Variants in NELFA observed in about 807,000 individuals in gnomAD.
NELFA encodes negative elongation factor A.
NELFA carries 35 observed loss-of-function variants against 51.8 expected under a neutral mutation model. The ratio of observed to expected loss-of-function variants is 0.68; its 90% CI spans 0.52 to 0.90. The LOEUF (loss-of-function observed/expected upper bound fraction) is 0.90. NELFA is among the 40% of genes least tolerant of loss of function. NELFA has a pLI of 0.00. For synonymous variants in NELFA, 417 were observed against 338.4 expected (o/e 1.23, Z -2.55); for missense variants, 658 against 746.4 (o/e 0.88, Z 1.38).
rs913087615 is a variant in NELFA, at chr4:1,987,848, C to T, written c.634+70G>A. On this transcript the variant is annotated intron_variant, in intron 4 of 10. Coordinates refer to ENST00000382882, the MANE Select transcript of NELFA (RefSeq NM_005663.5). ...CAGGCACCACCTCCCCAACAGGGAG[C>T]GGGTCTCCAGGTGAAGCCCTTAGCT... is the stretch of plus-strand genomic sequence containing the variant. The T allele has an allele frequency of 2.5e-5, 32 of 1,286,864 alleles. No individual in the cohort carries two copies. In the East Asian group the frequency reaches 5.4e-4, roughly 22 times the overall value. The allele number at this position is 1,286,864 out of a possible 1,614,324, so 79.7% of individuals were successfully genotyped here.
Position 1,986,436 on chromosome 4 carries a change from A to T in NELFA, c.635-34T>A, listed in dbSNP as rs376625058. 15 of 1,609,446 alleles carry T rather than the reference A, an allele frequency of 9.3e-6. No individual in the cohort carries two copies. In the African/African-American group the frequency reaches 1.8e-4, roughly 19 times the overall value. ...CGGCAACAGTCAGGGCGCCAGCAGC[A>T]GTGACCGGCAAACGTCCCCCACCCC... On this transcript the variant is annotated intron_variant, in intron 4 of 10. Transcript: ENST00000382882.
At chr4:2,008,620 G>C (rs1165476280) in intron 1 of NELFA, 130 bp downstream of exon 1, 4 of 1,097,044 alleles carry the variant, frequency 3.6e-6, no homozygotes, top group East Asian at 2.7e-5. Context: ...GGGCGGGCCG[G>C]GGGGGTTAAC....
rs779907766 is a variant in NELFA, at chr4:1,983,994, G to C, written c.1156C>G (p.Pro386Ala). Reference protein sequence around the residue: ...MYNSGLSPATPTPAAPTSPLT... With the variant: ...MYNSGLSPATATPAAPTSPLT... ...GGCGAGGTGGGCGCCGCAGGCGTGG[G>C]TGTGGCAGGGCTCAGGCCGCTGTTG... Residue 386 changes from proline (P) to alanine (A), a missense_variant, in exon 9 of 11, where the codon CCC becomes GCC. This residue lies in a region of NELFA where 200 missense variants were observed against 167.9 expected (regional missense o/e 1.19). Coordinates refer to ENST00000382882, the MANE Select transcript of NELFA (RefSeq NM_005663.5). 19 of 1,609,504 alleles carry C rather than the reference G, an allele frequency of 1.2e-5. No individual in the cohort carries two copies. The South Asian group carries it at 1.8e-4, about 15-fold the overall frequency.
rs1202916976 is a variant in NELFA at position 1,993,795 on chromosome 4, CTT to C, written c.211-2082_211-2081del. Among the ~76,000 whole-genome samples, 340 of 118,906 alleles carry C rather than the reference CTT, an allele frequency of 2.9e-3. 1 individual carries two copies. The highest frequency in any genetic ancestry group is 9.2e-3 in the African/African-American group (283 of 30,742). 78.0% of individuals were successfully genotyped at this position (118,906 alleles called of 152,430 possible). ...AAGGTGGGAACGAGCTCCCCTGGGCCTTTTTTTTTTTTTTTTTTTGAGACAGA... is the reference window on the plus strand; with the variant it reads ...AAGGTGGGAACGAGCTCCCCTGGGCCTTTTTTTTTTTTTTTTTGAGACAGA... On this transcript the variant is annotated intron_variant, in intron 1 of 10. Coordinates refer to ENST00000382882, the MANE Select transcript of NELFA (RefSeq NM_005663.5).
intron 1 of NELFA, among the ~76,000 whole-genome samples, chr4:1,995,877 ATTT>A (rs36104463): frequency 2.8e-5 from 4 of 144,378 alleles, no homozygotes; most frequent in Admixed American, 7.0e-5. Flanking sequence ...CTTCTCACTG[ATTT>A]TTTTTTTTTT....
intron 1 of NELFA, among the ~76,000 whole-genome samples, chr4:2,005,629 T>A (rs978500796): frequency 6.6e-6 from 1 of 151,656 alleles, no homozygotes; most frequent in African/African-American, 2.4e-5. Context: ...GAGGAGGAGG[T>A]TGCAGTGAGC....
chr4:1,983,547 G>GC (rs763600428), intron 10 of NELFA, 44 bp from the exon 11 acceptor site: 2 of 1,611,168 alleles, frequency 1.2e-6, no homozygotes, highest in African/African-American at 2.7e-5. Flanking sequence ...GGGGGCACCC[G>GC]CCCCCAACCC....
intron 1 of NELFA, among the ~76,000 whole-genome samples, chr4:2,004,463 T>G (rs1728655391): frequency 6.6e-6 from 1 of 152,152 alleles, no homozygotes; most frequent in Non-Finnish European, 1.5e-5. Context: ...GTGAACTACC[T>G]GGCATAATTA....
chr4:2,005,894 T>C (rs1226890797), intron 1 of NELFA, among the ~76,000 whole-genome samples: 1 of 152,094 alleles, frequency 6.6e-6, no homozygotes, highest in South Asian at 2.1e-4. Context: ...CCACAAATTA[T>C]AGGATGCAAT....
At chr4:2,008,608 G>A (rs1728777322) in intron 1 of NELFA, 142 bp downstream of exon 1, 4 of 928,682 alleles carry the variant, frequency 4.3e-6, no homozygotes, top group African/African-American at 1.8e-5. Flanking sequence ...GAGGGGGCGT[G>A]AGGGCGGGCC....
At chr4:2,008,024 A>T (rs1240150774) in intron 1 of NELFA, 1 of 456,852 alleles carries the variant, frequency 2.2e-6, no homozygotes, top group Non-Finnish European at 4.4e-6. Context: ...AAACGGACAC[A>T]GAGCGCTCCG....
At chr4:1,991,890 T>C in intron 1 of NELFA, 175 bp from the exon 2 acceptor site, 2 of 636,038 alleles carry the variant, frequency 3.1e-6, no homozygotes, top group South Asian at 2.0e-5. Flanking sequence ...CAGGGCCACC[T>C]TGCTTCCCTG....
At chr4:1,990,631 C>G (rs564325234) in intron 2 of NELFA, 1 of 405,632 alleles carries the variant, frequency 2.5e-6, no homozygotes. Flanking sequence ...TGTGCAGCCT[C>G]GATGTCTCCA....
chr4:1,986,887 G>A (rs557758088), intron 4 of NELFA, among the ~76,000 whole-genome samples: 8 of 152,286 alleles, frequency 5.3e-5, no homozygotes, highest in South Asian at 2.1e-4. Flanking sequence ...GAGGACGCCC[G>A]GGGGATGGTG....
chr4:1,998,836 A>G lies in NELFA; in HGVS notation c.211-7121T>C, dbSNP rs186449744. 2.4e-4 allele frequency among the ~76,000 whole-genome samples: 37 copies of G among 152,266 alleles called. No homozygotes were observed. In the East Asian group the frequency reaches 6.8e-3, roughly 28 times the overall value. On this transcript the variant is annotated intron_variant, in intron 1 of 10. Coordinates refer to ENST00000382882, the MANE Select transcript of NELFA (RefSeq NM_005663.5). Reference sequence around the variant, plus strand: ...TCCATGAGAAGATCAACCCCAAGACACATAATCATCAAATTCTCCAAGGTC... The same window carrying G: ...TCCATGAGAAGATCAACCCCAAGACGCATAATCATCAAATTCTCCAAGGTC...
intron 1 of NELFA, among the ~76,000 whole-genome samples, chr4:1,995,048 A>T (rs1356602554): frequency 6.6e-6 from 1 of 152,176 alleles, no homozygotes; most frequent in Non-Finnish European, 1.5e-5. Flanking sequence ...GTTTCTACAT[A>T]AGACTAACAT....
At chr4:1,991,440 C>T (rs746272945) in intron 2 of NELFA, 104 bp downstream of exon 2, 35 of 1,207,932 alleles carry the variant, frequency 2.9e-5, no homozygotes, top group South Asian at 2.7e-4. Flanking sequence ...CCAGGACACA[C>T]GGAAAAACGT....
intron 1 of NELFA, among the ~76,000 whole-genome samples, chr4:1,993,629 GA>G (rs200725136): frequency 0.019 from 2,850 of 151,470 alleles, 27 homozygotes; most frequent in Non-Finnish European, 0.027. Flanking sequence ...AAAGAAAAAA[GA>G]AAATGCTTGG....
chr4:2,002,151 G>A (rs1728597774), intron 1 of NELFA, among the ~76,000 whole-genome samples: 1 of 151,956 alleles, frequency 6.6e-6, no homozygotes, highest in Non-Finnish European at 1.5e-5. Flanking sequence ...AATGAGCCAA[G>A]ATCGCGCCAC....
Sources: gnomAD v4.1 joint callset for allele counts (sites outside exome capture counted in the v4.1 genomes callset) on GRCh38, gnomAD v4.1.1 for gene constraint, gnomAD v4.1.1 regional missense constraint, MANE v1.5 for transcripts, NCBI Gene and HGNC (gene_info 2026-07-23, HGNC 2026-07-21) for gene names.